Variants in FAT3 observed in about 807,000 individuals in gnomAD.
FAT3 encodes FAT atypical cadherin 3.
A neutral mutation model predicts 310.2 loss-of-function variants in FAT3; 95 were observed. The observed-to-expected ratio is 0.31, with a 90% CI of 0.26 to 0.36. The LOEUF is 0.36. FAT3 is among the 10% of genes least tolerant of loss of function. The probability of loss-of-function intolerance (pLI) is 1.00; values close to 1 mark genes in which losing one functional copy is unlikely to be tolerated. For synonymous variants in FAT3, 2,314 were observed against 2,192.9 expected (o/e 1.06, Z -1.54); for missense variants, 5,408 against 5,715.6 (o/e 0.95, Z 1.74).
chr11:92,346,075 C>T (rs980895673), intron 1 of FAT3, among the ~76,000 whole-genome samples: 45 of 152,086 alleles, frequency 3.0e-4, no homozygotes, highest in African/African-American at 1.1e-3. Flanking sequence ...AACCCTTTTT[C>T]TTCTTTTCAG....
intron 2 of FAT3, among the ~76,000 whole-genome samples, chr11:92,450,610 T>C (rs1951330302): frequency 6.6e-6 from 1 of 152,152 alleles, no homozygotes; most frequent in African/African-American, 2.4e-5. Flanking sequence ...GTAAATCTTG[T>C]ATTTGGAATT....
At chr11:92,312,496 G>A (rs1199577390) in intron 1 of FAT3, among the ~76,000 whole-genome samples, 3 of 152,026 alleles carry the variant, frequency 2.0e-5, no homozygotes, top group South Asian at 2.1e-4. Context: ...AATAGGTCCC[G>A]CTAATCATTT....
intron 2 of FAT3, among the ~76,000 whole-genome samples, chr11:92,485,748 A>G (rs570108462): frequency 6.6e-6 from 1 of 152,320 alleles, no homozygotes; most frequent in East Asian, 1.9e-4. Context: ...CCAGAAAGGC[A>G]TGGAAACAGT....
rs1434900939 is a variant in FAT3 at position 92,891,231 on chromosome 11, AC to A, written c.*119del. The A allele has an allele frequency of 3.8e-6, 5 of 1,325,370 alleles. No homozygotes were observed. The highest frequency in any genetic ancestry group is 5.1e-6 in the Non-Finnish European group (5 of 978,070). The allele number at this position is 1,325,370 out of a possible 1,614,324, so 82.1% of individuals were successfully genotyped here. Reference sequence around the variant, plus strand: ...TGAGAAGGGAATACTGTATTTTTCCACTAGAAACTTCTTCACAAGTCATACT... The same window carrying A: ...TGAGAAGGGAATACTGTATTTTTCCATAGAAACTTCTTCACAAGTCATACT... On this transcript the variant is annotated 3_prime_UTR_variant, in exon 28 of 28. Coordinates refer to ENST00000525166, the MANE Select transcript of FAT3 (RefSeq NM_001367949.2).
intron 7 of FAT3, among the ~76,000 whole-genome samples, chr11:92,776,228 A>T (rs1402089600): frequency 6.6e-6 from 1 of 152,208 alleles, no homozygotes; most frequent in Non-Finnish European, 1.5e-5. Context: ...ACAATTATGG[A>T]TATTTTAAAA....
chr11:92,819,527 A>G (rs961389659), intron 13 of FAT3, among the ~76,000 whole-genome samples: 9 of 152,168 alleles, frequency 5.9e-5, no homozygotes, highest in Non-Finnish European at 1.2e-4. Flanking sequence ...GGGATTCTTA[A>G]TATTTTTGTG....
At position 92,290,584 on chromosome 11, in the gene FAT3, C is replaced by G. The variant is rs979322498; in HGVS notation, c.-17-61512C>G. Among the ~76,000 whole-genome samples, 6 of 151,620 alleles carry G rather than the reference C, an allele frequency of 4.0e-5. No individual in the cohort carries two copies. In the East Asian group the frequency reaches 1.2e-3, roughly 30 times the overall value. On this transcript the variant is annotated intron_variant, in intron 1 of 27. Coordinates refer to ENST00000525166, the MANE Select transcript of FAT3 (RefSeq NM_001367949.2). ...CCACCCTTTCCAACATGGCGAAACC[C>G]CATTTCCACACACACACAAAAATAC...
intron 2 of FAT3, among the ~76,000 whole-genome samples, chr11:92,474,005 T>C (rs1018137770): frequency 6.6e-6 from 1 of 152,194 alleles, no homozygotes; most frequent in African/African-American, 2.4e-5. Context: ...ACCACATAGA[T>C]GCCTTGTCAT....
chr11:92,709,637 G>C lies in FAT3; in HGVS notation c.3669+12192G>C, dbSNP rs143405588. Among the ~76,000 whole-genome samples the C allele has an allele frequency of 4.0e-3, 607 of 152,276 alleles. 2 individuals are homozygous for C. Among genetic ancestry groups the C allele is most frequent in the African/African-American group, 0.014 (571 of 41,570 alleles). Reference sequence around the variant, plus strand: ...GGCTGAGTGGAAGTTTAGGGCTCCAGGTAATCCACAACCCAGGTAATCCAT... The same window carrying C: ...GGCTGAGTGGAAGTTTAGGGCTCCACGTAATCCACAACCCAGGTAATCCAT... On this transcript the variant is annotated intron_variant, in intron 4 of 27. Transcript: ENST00000525166.
intron 1 of FAT3, among the ~76,000 whole-genome samples, chr11:92,322,994 A>C (rs1461944320): frequency 4.6e-5 from 7 of 152,088 alleles, no homozygotes; most frequent in Non-Finnish European, 7.4e-5. Context: ...AAAATGTTTC[A>C]ATTTACTTTA....
intron 2 of FAT3, among the ~76,000 whole-genome samples, chr11:92,475,958 A>G (rs996456152): frequency 6.6e-6 from 1 of 152,132 alleles, no homozygotes; most frequent in African/African-American, 2.4e-5. Flanking sequence ...ATGTGGAGCA[A>G]AGGAAGAAGG....
intron 2 of FAT3, among the ~76,000 whole-genome samples, chr11:92,520,296 T>A (rs953311129): frequency 6.6e-6 from 1 of 152,142 alleles, no homozygotes; most frequent in East Asian, 1.9e-4. Context: ...AAGTTATTTA[T>A]AATGACAGAA....
At chr11:92,607,263 G>A (rs1452604615) in intron 3 of FAT3, among the ~76,000 whole-genome samples, 1 of 151,510 alleles carries the variant, frequency 6.6e-6, no homozygotes, top group African/African-American at 2.4e-5. Flanking sequence ...ATCTCTTCAT[G>A]CATCACCCTG....
At chr11:92,618,612 C>G (rs1940936437) in intron 3 of FAT3, among the ~76,000 whole-genome samples, 1 of 152,176 alleles carries the variant, frequency 6.6e-6, no homozygotes, top group African/African-American at 2.4e-5. Context: ...TTGGAACCCC[C>G]TCTGGAATGG....
At chr11:92,697,138 T>G (rs955943300) in intron 3 of FAT3, among the ~76,000 whole-genome samples, 4 of 152,192 alleles carry the variant, frequency 2.6e-5, no homozygotes, top group Non-Finnish European at 5.9e-5. Context: ...TTAGTGATTT[T>G]TTACATCCCC....
At chr11:92,584,692 G>A (rs1622987) in intron 3 of FAT3, among the ~76,000 whole-genome samples, 44,152 of 151,824 alleles carry the variant, frequency 0.29, 6,736 homozygotes, top group Non-Finnish European at 0.33. Context: ...AAGGAGTGGG[G>A]AATGCATATA....
At chr11:92,311,318 G>A (rs1947299495) in intron 1 of FAT3, among the ~76,000 whole-genome samples, 1 of 152,118 alleles carries the variant, frequency 6.6e-6, no homozygotes, top group Non-Finnish European at 1.5e-5. Context: ...GGACCGTTTG[G>A]TAGTAGCATA....
intron 4 of FAT3, among the ~76,000 whole-genome samples, chr11:92,721,554 A>G (rs1398423402): frequency 1.3e-5 from 2 of 152,232 alleles, no homozygotes; most frequent in Admixed American, 6.5e-5. Context: ...TGCAATTGCA[A>G]TATTAAAGGC....
At chr11:92,518,314 C>T (rs1290402582) in intron 2 of FAT3, among the ~76,000 whole-genome samples, 3 of 152,122 alleles carry the variant, frequency 2.0e-5, no homozygotes, top group East Asian at 1.9e-4. Flanking sequence ...CACATATACA[C>T]CATGGAATAC....
Sources: gnomAD v4.1 joint callset for allele counts (sites outside exome capture counted in the v4.1 genomes callset) on GRCh38, gnomAD v4.1.1 for gene constraint, MANE v1.5 for transcripts, NCBI Gene and HGNC (gene_info 2026-07-23, HGNC 2026-07-21) for gene names.